The following ASIC2 variants were observed in gnomAD, a reference collection of about 807,000 sequenced individuals.
The protein encoded by ASIC2 is acid sensing ion channel subunit 2.
ASIC2 carries 25 observed loss-of-function variants against 57.3 expected under a neutral mutation model. That is an observed-to-expected ratio of 0.44 (90% CI 0.32 to 0.61). The LOEUF (loss-of-function observed/expected upper bound fraction) is 0.61, where lower values mean the gene tolerates loss of function less well. ASIC2 is among the 20% of genes least tolerant of loss of function. ASIC2 has a pLI of 0.06. For synonymous variants in ASIC2, 319 were observed against 307.5 expected (o/e 1.04, Z -0.39); for missense variants, 641 against 738.1 (o/e 0.87, Z 1.52).
chr17:33,205,418 C>A (rs1411444692), intron 1 of ASIC2, among the ~76,000 whole-genome samples: 1 of 152,200 alleles, frequency 6.6e-6, no homozygotes, highest in Admixed American at 6.5e-5. Context: ...TAGAAATTGA[C>A]AAAGCCCTGT....
intron 1 of ASIC2, among the ~76,000 whole-genome samples, chr17:33,485,277 T>C (rs1913540449): frequency 6.6e-6 from 1 of 152,202 alleles, no homozygotes; most frequent in African/African-American, 2.4e-5. Context: ...ATGGAAGCCC[T>C]GAGTAAAGTG....
chr17:33,830,067 T>C (rs1256445949), intron 1 of ASIC2, among the ~76,000 whole-genome samples: 2 of 152,228 alleles, frequency 1.3e-5, no homozygotes, highest in East Asian at 1.9e-4. Context: ...TAGGCAACTT[T>C]TCCTATAACT....
chr17:33,152,888 A>T (rs186709105), intron 1 of ASIC2, among the ~76,000 whole-genome samples: 5 of 152,252 alleles, frequency 3.3e-5, no homozygotes, highest in South Asian at 2.1e-4. Flanking sequence ...AGGTTGAAAA[A>T]TCGAACCCAG....
chr17:33,820,742 A>C (rs1370219245), intron 1 of ASIC2, among the ~76,000 whole-genome samples: 1 of 152,178 alleles, frequency 6.6e-6, no homozygotes, highest in Non-Finnish European at 1.5e-5. Flanking sequence ...GGATGTTGAC[A>C]TGTTACTCAG....
At chr17:33,835,210 C>A (rs573249797) in intron 1 of ASIC2, among the ~76,000 whole-genome samples, 6 of 152,180 alleles carry the variant, frequency 3.9e-5, no homozygotes, top group Admixed American at 2.0e-4. Context: ...CTGGCTGGAC[C>A]TACTACTGTT....
Position 33,944,612 on chromosome 17 carries a change from T to C in ASIC2, c.555+211366A>G, listed in dbSNP as rs535446111. Among the ~76,000 whole-genome samples the C allele has an allele frequency of 5.9e-5, 9 of 152,292 alleles. No individual in the cohort carries two copies. The East Asian group carries it at 1.5e-3, about 26-fold the overall frequency. On this transcript the variant is annotated intron_variant, in intron 1 of 9. Transcript: ENST00000359872. ...AAAACAGGGTTTCAGGAGCGTGTGA[T>C]GTGGGCTAGTCTCTGAGCTGTGCTT...
At chr17:33,758,865 A>C (rs1910691865) in intron 1 of ASIC2, among the ~76,000 whole-genome samples, 1 of 151,958 alleles carries the variant, frequency 6.6e-6, no homozygotes, top group South Asian at 2.1e-4. Context: ...TTTCTTTATA[A>C]ATTACCCAGT....
chr17:33,465,179 G>T (rs568361278), intron 1 of ASIC2, among the ~76,000 whole-genome samples: 13 of 152,250 alleles, frequency 8.5e-5, no homozygotes, highest in South Asian at 6.2e-4. Context: ...GGCTGTTTTT[G>T]TTAGGAGCTT....
At chr17:34,092,262 T>C (rs1910362087) in intron 1 of ASIC2, among the ~76,000 whole-genome samples, 1 of 152,190 alleles carries the variant, frequency 6.6e-6, no homozygotes, top group Non-Finnish European at 1.5e-5. Flanking sequence ...GCCTCATCAG[T>C]GGACAACTGG....
intron 1 of ASIC2, among the ~76,000 whole-genome samples, chr17:33,496,713 G>A (rs1423719388): frequency 6.9e-6 from 1 of 143,932 alleles, no homozygotes; most frequent in Non-Finnish European, 1.5e-5. Context: ...CGCCTCCTGG[G>A]TTCAAGCAAT....
intron 1 of ASIC2, among the ~76,000 whole-genome samples, chr17:33,661,967 T>G (rs1315299405): frequency 6.6e-6 from 1 of 152,190 alleles, no homozygotes; most frequent in African/African-American, 2.4e-5. Context: ...TCATCCCTAC[T>G]TTCCTTCTCC....
chr17:33,988,449 C>T (rs191042970), intron 1 of ASIC2, among the ~76,000 whole-genome samples: 8 of 152,174 alleles, frequency 5.3e-5, no homozygotes, highest in African/African-American at 1.7e-4. Flanking sequence ...TGACTTGCTC[C>T]TCCTTGCCTT....
chr17:33,648,387 A>C (rs1906812230), intron 1 of ASIC2, among the ~76,000 whole-genome samples: 1 of 152,236 alleles, frequency 6.6e-6, no homozygotes. Context: ...CTGGGTTATT[A>C]AAAGATGAGC....
At chr17:33,914,917 A>G (rs565728758) in intron 1 of ASIC2, among the ~76,000 whole-genome samples, 1 of 152,250 alleles carries the variant, frequency 6.6e-6, no homozygotes, top group African/African-American at 2.4e-5. Flanking sequence ...GTTCTTTTCT[A>G]TATCTTAAGA....
At chr17:33,351,033 T>A (rs956244448) in intron 1 of ASIC2, among the ~76,000 whole-genome samples, 2 of 152,192 alleles carry the variant, frequency 1.3e-5, no homozygotes, top group African/African-American at 2.4e-5. Flanking sequence ...ATTCTTTTTC[T>A]CCTTGATGTT....
At chr17:33,991,954 G>A (rs1310309155) in intron 1 of ASIC2, among the ~76,000 whole-genome samples, 2 of 152,112 alleles carry the variant, frequency 1.3e-5, no homozygotes, top group African/African-American at 4.8e-5. Flanking sequence ...ATTAATAAAG[G>A]TTGTCCAGGA....
At chr17:33,730,734 C>T (rs945949671) in intron 1 of ASIC2, among the ~76,000 whole-genome samples, 3 of 152,186 alleles carry the variant, frequency 2.0e-5, no homozygotes, top group African/African-American at 7.2e-5. Context: ...CTCTGTGTCT[C>T]CAAAGTTCAC....
intron 1 of ASIC2, among the ~76,000 whole-genome samples, chr17:33,536,538 T>C (rs1286304569): frequency 6.6e-6 from 1 of 152,200 alleles, no homozygotes; most frequent in African/African-American, 2.4e-5. Flanking sequence ...ATCCACTGAA[T>C]ATTTTCCAAG....
intron 1 of ASIC2, among the ~76,000 whole-genome samples, chr17:33,149,870 T>C (rs1408384183): frequency 1.3e-5 from 2 of 152,254 alleles, no homozygotes; most frequent in Non-Finnish European, 2.9e-5. Flanking sequence ...CCACCTTCTT[T>C]TGAAAGTACC....
Sources: gnomAD v4.1 joint callset for allele counts (sites outside exome capture counted in the v4.1 genomes callset) on GRCh38, gnomAD v4.1.1 for gene constraint, MANE v1.5 for transcripts, NCBI Gene and HGNC (gene_info 2026-07-23, HGNC 2026-07-21) for gene names.